Variants in SH3RF1 observed in about 807,000 individuals in gnomAD.
SH3RF1 encodes E3 ubiquitin-protein ligase SH3RF1.
Under a neutral mutation model 74.0 loss-of-function variants are expected in SH3RF1, and 32 were observed. The ratio of observed to expected loss-of-function variants is 0.43; its 90% CI spans 0.33 to 0.58. The LOEUF (loss-of-function observed/expected upper bound fraction) is 0.58, where lower values mean the gene tolerates loss of function less well. SH3RF1 is among the 20% of genes least tolerant of loss of function. The pLI is 0.05. For missense variants in SH3RF1, 954 were observed against 1,130.9 expected (o/e 0.84, Z 2.24); for synonymous variants, 396 against 439.6 (o/e 0.90, Z 1.24).
intron 2 of SH3RF1, among the ~76,000 whole-genome samples, chr4:169,236,717 G>C (rs1158492925): frequency 6.6e-6 from 1 of 152,144 alleles, no homozygotes; most frequent in African/African-American, 2.4e-5. Flanking sequence ...CTAACTCATG[G>C]ATATCATTAC....
rs376319658 is a variant in SH3RF1 at position 169,094,915 on chromosome 4, GA to G, written c.*1603del. ...TATTTCCCAGTTTTAATTCTTAAAG[GA>G]AAAAAAAAAAGATGAAAGGGTTTAT... On this transcript the variant is annotated 3_prime_UTR_variant, in exon 12 of 12. Coordinates refer to ENST00000284637, the MANE Select transcript of SH3RF1 (RefSeq NM_020870.4). 2.0e-3 allele frequency: 292 copies of G among 142,982 alleles called. 3 individuals carry two copies. Among genetic ancestry groups the G allele is most frequent in the South Asian group, 4.7e-3 (21 of 4,508 alleles). 8.9% of individuals were successfully genotyped at this position (142,982 alleles called of 1,614,324 possible). A position where few individuals can be genotyped will look rare whatever the true frequency, so the allele number is the denominator to read the frequency against.
chr4:169,177,328 C>G (rs1200356538), intron 2 of SH3RF1, among the ~76,000 whole-genome samples: 1 of 152,122 alleles, frequency 6.6e-6, no homozygotes, highest in African/African-American at 2.4e-5. Context: ...TAAAGACTTC[C>G]TCAGCTTGTA....
chr4:169,110,487 A>T (rs947945401), intron 10 of SH3RF1, among the ~76,000 whole-genome samples: 1 of 152,146 alleles, frequency 6.6e-6, no homozygotes, highest in African/African-American at 2.4e-5. Flanking sequence ...ATAATAAGCC[A>T]GGTGCCGTGG....
intron 2 of SH3RF1, among the ~76,000 whole-genome samples, chr4:169,262,325 A>T (rs989561159): frequency 2.6e-5 from 4 of 152,216 alleles, no homozygotes; most frequent in Non-Finnish European, 5.9e-5. Context: ...TACAACCAGA[A>T]TGCTTTTACA....
Position 169,156,418 on chromosome 4 carries a change from G to C in SH3RF1, c.655C>G (p.Leu219Val). 6.3e-7 allele frequency: 1 copy of C among 1,592,032 alleles called. No homozygotes were observed. Among genetic ancestry groups the C allele is most frequent in the Non-Finnish European group, 8.6e-7 (1 of 1,165,594 alleles). Residue 219 changes from leucine (L) to valine (V), a missense_variant, in exon 3 of 12, where the codon CTT becomes GTT. By Grantham distance (32) the Leu-to-Val change is conservative (BLOSUM62 1). This residue lies in a region of SH3RF1 where 854 missense variants were observed against 962.5 expected (regional missense o/e 0.89). Transcript: ENST00000284637. ...VKDKEADKDC[L>V]PFAKDDVLTV... ...TCTACCTTTACCTTTGCAAATGGAAGGCAATCTTTGTCTGCTTCCTTGTCT... is the reference window on the plus strand; with the variant it reads ...TCTACCTTTACCTTTGCAAATGGAACGCAATCTTTGTCTGCTTCCTTGTCT...
intron 2 of SH3RF1, among the ~76,000 whole-genome samples, chr4:169,241,414 A>G (rs959354903): frequency 1.3e-5 from 2 of 152,162 alleles, no homozygotes; most frequent in African/African-American, 4.8e-5. Context: ...TTCACCCCCA[A>G]TTCTGCATAG....
chr4:169,246,249 A>G (rs191423516), intron 2 of SH3RF1, among the ~76,000 whole-genome samples: 50 of 152,392 alleles, frequency 3.3e-4, no homozygotes, highest in Non-Finnish European at 6.0e-4. Flanking sequence ...AAATTGAAGC[A>G]TGAGACACGT....
chr4:169,245,766 A>G (rs2110739273), intron 2 of SH3RF1, among the ~76,000 whole-genome samples: 1 of 152,360 alleles, frequency 6.6e-6, no homozygotes, highest in East Asian at 1.9e-4. Flanking sequence ...ACTGCAGGAT[A>G]TTCTATAAAG....
intron 5 of SH3RF1, among the ~76,000 whole-genome samples, chr4:169,132,319 T>C (rs1223025906): frequency 6.6e-6 from 1 of 152,240 alleles, no homozygotes; most frequent in African/African-American, 2.4e-5. Context: ...TAGCTGTTAA[T>C]GACCTCATGG....
chr4:169,181,540 C>T (rs1296309330), intron 2 of SH3RF1, among the ~76,000 whole-genome samples: 1 of 151,088 alleles, frequency 6.6e-6, no homozygotes, highest in East Asian at 1.9e-4. Context: ...GGATTACAGG[C>T]GTGAGCCACC....
At chr4:169,139,931 C>T (rs1194091613) in intron 4 of SH3RF1, among the ~76,000 whole-genome samples, 1 of 152,220 alleles carries the variant, frequency 6.6e-6, no homozygotes, top group Admixed American at 6.5e-5. Flanking sequence ...CATAATCTCA[C>T]TTTAAATGGA....
chr4:169,152,248 G>A (rs1197203200), intron 4 of SH3RF1, among the ~76,000 whole-genome samples: 1 of 152,142 alleles, frequency 6.6e-6, no homozygotes, highest in African/African-American at 2.4e-5. Context: ...CTCCGGAGGG[G>A]AAGGGTGAAT....
In SH3RF1 at chr4:169,095,344, AG is replaced by A. The variant is rs1732898128; in HGVS notation, c.*1174del. On this transcript the variant is annotated 3_prime_UTR_variant, in exon 12 of 12. Coordinates refer to ENST00000284637, the MANE Select transcript of SH3RF1 (RefSeq NM_020870.4). ...CAGTAGTGGCTTTGGGGTAGAGAAGAGAACACTGTTTATTTTTACACCTCCT... is the reference window on the plus strand; with the variant it reads ...CAGTAGTGGCTTTGGGGTAGAGAAGAAACACTGTTTATTTTTACACCTCCT... The A allele has an allele frequency of 6.6e-6, 1 of 152,668 alleles. No individual in the cohort carries two copies. The highest frequency in any genetic ancestry group is 1.5e-5 in the Non-Finnish European group (1 of 68,058). 9.5% of individuals were successfully genotyped at this position (152,668 alleles called of 1,614,324 possible). A position where few individuals can be genotyped will look rare whatever the true frequency, so the allele number is the denominator to read the frequency against.
intron 5 of SH3RF1, among the ~76,000 whole-genome samples, chr4:169,132,872 G>A (rs1215925122): frequency 6.6e-6 from 1 of 152,180 alleles, no homozygotes; most frequent in African/African-American, 2.4e-5. Flanking sequence ...TGCTTTTACA[G>A]ACACTCATGT....
chr4:169,243,961 T>C (rs946954290), intron 2 of SH3RF1, among the ~76,000 whole-genome samples: 1 of 151,992 alleles, frequency 6.6e-6, no homozygotes, highest in African/African-American at 2.4e-5. Flanking sequence ...TACCCTGGAG[T>C]TGCCAAAGTC....
intron 4 of SH3RF1, 117 bp from the exon 5 acceptor site, chr4:169,136,737 C>T (rs765080770): frequency 9.4e-7 from 1 of 1,062,582 alleles, no homozygotes; most frequent in Non-Finnish European, 1.3e-6. Context: ...TAAAGTTTGC[C>T]TATGCAGTGT....
At chr4:169,137,837 T>A (rs1251834714) in intron 4 of SH3RF1, among the ~76,000 whole-genome samples, 1 of 152,222 alleles carries the variant, frequency 6.6e-6, no homozygotes, top group Non-Finnish European at 1.5e-5. Context: ...GATTGCAAAT[T>A]GACTGACAAT....
In SH3RF1 at chr4:169,106,937, T is replaced by C. The variant is rs1247907900; in HGVS notation, c.2408A>G (p.Asp803Gly). Residue 803 changes from aspartate to glycine, a missense_variant, in exon 11 of 12, where the codon GAC becomes GGC. This residue lies in a region of SH3RF1 where 854 missense variants were observed against 962.5 expected (regional missense o/e 0.89). Coordinates refer to ENST00000284637, the MANE Select transcript of SH3RF1 (RefSeq NM_020870.4). ...DAFHRKASSLDSAVPIAPPPR... is the reference protein window; with the variant it reads ...DAFHRKASSLGSAVPIAPPPR... ...AGGTGGAGCGATGGGAACTGCGGAG[T>C]CCAGGGAACTTGCCTTCCTATGAAA... The C allele has an allele frequency of 6.2e-7, 1 of 1,613,392 alleles. No homozygotes were observed. The highest frequency in any genetic ancestry group is 1.3e-5 in the African/African-American group (1 of 74,802).
chr4:169,211,012 C>T (rs1272873296), intron 2 of SH3RF1, among the ~76,000 whole-genome samples: 1 of 152,180 alleles, frequency 6.6e-6, no homozygotes, highest in Non-Finnish European at 1.5e-5. Flanking sequence ...TGTGATGCAG[C>T]TTTAATGCTC....
Sources: gnomAD v4.1 joint callset for allele counts (sites outside exome capture counted in the v4.1 genomes callset) on GRCh38, gnomAD v4.1.1 for gene constraint, gnomAD v4.1.1 regional missense constraint, MANE v1.5 for transcripts, NCBI Gene and HGNC (gene_info 2026-07-23, HGNC 2026-07-21) for gene names.